The following GRIP1 variants were observed in gnomAD, a reference collection of about 807,000 sequenced individuals.
The protein encoded by GRIP1 is glutamate receptor interacting protein 1.
In GRIP1, 45 loss-of-function variants were observed where a neutral mutation model predicts 129.9. The ratio of observed to expected loss-of-function variants is 0.35; its 90% CI spans 0.27 to 0.44. GRIP1 has a LOEUF of 0.44. Ranked by LOEUF, GRIP1 falls within the 20% of genes least tolerant of loss-of-function variation. GRIP1 has a pLI of 1.00. For synonymous variants in GRIP1, 530 were observed against 520.8 expected (o/e 1.02, Z -0.24); for missense variants, 1,196 against 1,396.8 (o/e 0.86, Z 2.29).
chr12:66,415,321 G>T (rs2137773064), intron 15 of GRIP1, among the ~76,000 whole-genome samples: 1 of 152,204 alleles, frequency 6.6e-6, no homozygotes, highest in African/African-American at 2.4e-5. Flanking sequence ...ATGAGAAAAA[G>T]CTCGTCATCA....
intron 1 of GRIP1, among the ~76,000 whole-genome samples, chr12:66,937,831 T>C (rs934221777): frequency 6.6e-6 from 1 of 152,132 alleles, no homozygotes; most frequent in African/African-American, 2.4e-5. Flanking sequence ...TTATTGGTCA[T>C]AGTAAAGATT....
At chr12:66,936,070 C>G (rs1033786998) in intron 1 of GRIP1, among the ~76,000 whole-genome samples, 2 of 152,262 alleles carry the variant, frequency 1.3e-5, no homozygotes, top group South Asian at 4.1e-4. Flanking sequence ...CCAGTGAGCT[C>G]TCTGGTAGGT....
chr12:66,694,594 A>G (rs2035090171), intron 1 of GRIP1, among the ~76,000 whole-genome samples: 1 of 152,146 alleles, frequency 6.6e-6, no homozygotes. Context: ...AAAAATATCT[A>G]GTGTGAGGAT....
At chr12:66,720,497 T>C (rs1432600679) in intron 1 of GRIP1, among the ~76,000 whole-genome samples, 2 of 152,220 alleles carry the variant, frequency 1.3e-5, no homozygotes, top group Non-Finnish European at 2.9e-5. Context: ...CTCTGTAGCA[T>C]GCAATGATAG....
intron 16 of GRIP1, among the ~76,000 whole-genome samples, chr12:66,405,526 A>G (rs182467501): frequency 6.6e-6 from 1 of 152,316 alleles, no homozygotes; most frequent in Non-Finnish European, 1.5e-5. Context: ...CCAGAATCTC[A>G]GGTCCCACCT....
At chr12:66,699,629 G>A (rs1025753712) in intron 1 of GRIP1, among the ~76,000 whole-genome samples, 3 of 152,146 alleles carry the variant, frequency 2.0e-5, no homozygotes, top group Non-Finnish European at 4.4e-5. Flanking sequence ...GCCTCTTTCA[G>A]TCTTGGGAAT....
At chr12:66,844,166 A>T (rs1385351479) in intron 1 of GRIP1, among the ~76,000 whole-genome samples, 12 of 152,200 alleles carry the variant, frequency 7.9e-5, no homozygotes, top group Non-Finnish European at 7.4e-5. Context: ...CCAAAGATAT[A>T]CAAATGGCCA....
intron 1 of GRIP1, among the ~76,000 whole-genome samples, chr12:66,773,688 C>T (rs966605890): frequency 3.3e-5 from 5 of 151,908 alleles, no homozygotes; most frequent in African/African-American, 1.2e-4. Context: ...CACGTGTATC[C>T]CAGAACTTAA....
chr12:66,457,881 C>T (rs11176194), intron 9 of GRIP1, among the ~76,000 whole-genome samples: 60,449 of 151,958 alleles, frequency 0.4, 13,091 homozygotes, highest in African/African-American at 0.55. Flanking sequence ...TTTCCTCATA[C>T]GTCAAATGGA....
intron 9 of GRIP1, among the ~76,000 whole-genome samples, chr12:66,456,888 C>T (rs779115455): frequency 2.3e-4 from 35 of 152,106 alleles, no homozygotes; most frequent in Non-Finnish European, 4.7e-4. Context: ...TTTTCCTCAA[C>T]AATAAACCAC....
intron 5 of GRIP1, among the ~76,000 whole-genome samples, chr12:66,522,921 G>C (rs1054414555): frequency 2.6e-5 from 4 of 152,162 alleles, no homozygotes; most frequent in Non-Finnish European, 5.9e-5. Context: ...CTGGAAGAAA[G>C]AGTATCAGTG....
chr12:66,734,463 AT>A (rs2036534194), intron 1 of GRIP1, among the ~76,000 whole-genome samples: 1 of 152,174 alleles, frequency 6.6e-6, no homozygotes, highest in African/African-American at 2.4e-5. Context: ...AGGATGAGAA[AT>A]GTGGTTTCTA....
At chr12:66,516,264 C>T (rs1000967160) in intron 6 of GRIP1, among the ~76,000 whole-genome samples, 1 of 152,110 alleles carries the variant, frequency 6.6e-6, no homozygotes. Context: ...GGCAATAATT[C>T]AATTGATTCG....
chr12:66,838,646 G>A (rs1038713943), intron 1 of GRIP1, among the ~76,000 whole-genome samples: 5 of 152,176 alleles, frequency 3.3e-5, no homozygotes, highest in East Asian at 3.8e-4. Flanking sequence ...AAAAGTACAA[G>A]GACAGAGCAT....
At chr12:66,584,953 C>T (rs1406935392) in intron 2 of GRIP1, among the ~76,000 whole-genome samples, 1 of 152,048 alleles carries the variant, frequency 6.6e-6, no homozygotes, top group African/African-American at 2.4e-5. Flanking sequence ...GACTGTAGCA[C>T]CCTCCTGCCT....
rs560665272 is a variant in GRIP1 at position 66,832,363 on chromosome 12, C to T, written c.59-235436G>A. On this transcript the variant is annotated intron_variant, in intron 1 of 1. Coordinates refer to the GRIP1 transcript ENST00000643019. ...TCAGAAAGACATAAAATGCTATCTA[C>T]GACCCTCCTATAGAGACCTGGGTTA... is the stretch of plus-strand genomic sequence containing the variant. 7.2e-5 allele frequency among the ~76,000 whole-genome samples: 11 copies of T among 152,252 alleles called. No homozygotes were observed. The East Asian group carries it at 1.7e-3, about 24-fold the overall frequency.
At chr12:66,437,081 G>A (rs1212834672) in intron 13 of GRIP1, among the ~76,000 whole-genome samples, 3 of 151,918 alleles carry the variant, frequency 2.0e-5, no homozygotes, top group Non-Finnish European at 4.4e-5. Context: ...ATAAAATAGA[G>A]GAATTTGTCT....
chr12:66,478,074 C>T (rs141649680), intron 7 of GRIP1, among the ~76,000 whole-genome samples: 40,442 of 152,032 alleles, frequency 0.27, 5,590 homozygotes, highest in Middle Eastern at 0.42. Flanking sequence ...AAGAAACTAC[C>T]GTCAGAGTGA....
At chr12:66,675,680 T>C (rs2034293462) in intron 1 of GRIP1, among the ~76,000 whole-genome samples, 1 of 152,246 alleles carries the variant, frequency 6.6e-6, no homozygotes, top group African/African-American at 2.4e-5. Context: ...TCACAAAATG[T>C]TATTTTGGGA....
Sources: allele counts gnomAD v4.1 joint callset (sites outside exome capture counted in the v4.1 genomes callset), GRCh38; gene constraint gnomAD v4.1.1; transcripts MANE v1.5; gene names NCBI Gene and HGNC (gene_info 2026-07-23, HGNC 2026-07-21).